The following AP1S3 variants were observed in gnomAD, a reference collection of about 807,000 sequenced individuals.
The protein encoded by AP1S3 is adaptor related protein complex 1 subunit sigma 3.
AP1S3 carries 10 observed loss-of-function variants against 20.9 expected under a neutral mutation model. The observed-to-expected ratio is 0.48, with a 90% CI of 0.29 to 0.81. AP1S3 has a LOEUF of 0.81. Ranked by LOEUF, AP1S3 falls within the 30% of genes least tolerant of loss-of-function variation. AP1S3 has a pLI of 0.08. For missense variants in AP1S3, 154 were observed against 183.8 expected (o/e 0.84, Z 0.94); for synonymous variants, 41 against 61.5 (o/e 0.67, Z 1.56).
intron 4 of AP1S3, among the ~76,000 whole-genome samples, chr2:223,763,874 C>G (rs1690417612): frequency 6.6e-6 from 1 of 152,200 alleles, no homozygotes; most frequent in African/African-American, 2.4e-5. Context: ...TAATCACCCT[C>G]TTCCAAATAG....
chr2:223,783,149 C>T (rs1690988782), intron 1 of AP1S3, among the ~76,000 whole-genome samples: 3 of 152,178 alleles, frequency 2.0e-5, no homozygotes, highest in Non-Finnish European at 4.4e-5. Context: ...CTAGCATTCC[C>T]TTTCAATAAT....
At chr2:223,773,045 A>G (rs1299562082) in intron 3 of AP1S3, among the ~76,000 whole-genome samples, 1 of 152,228 alleles carries the variant, frequency 6.6e-6, no homozygotes. Flanking sequence ...GTATACCAAA[A>G]TAGAATGGGA....
At chr2:223,784,150 C>T (rs1374135999) in intron 1 of AP1S3, among the ~76,000 whole-genome samples, 1 of 152,162 alleles carries the variant, frequency 6.6e-6, no homozygotes, top group African/African-American at 2.4e-5. Context: ...AAATTGGTGC[C>T]ACCGTTAAGG....
At chr2:223,815,052 G>A (rs764288724) in intron 1 of AP1S3, among the ~76,000 whole-genome samples, 7 of 152,194 alleles carry the variant, frequency 4.6e-5, no homozygotes, top group Non-Finnish European at 1.0e-4. Flanking sequence ...GGGATTATAG[G>A]CATGAGCCAG....
intron 1 of AP1S3, among the ~76,000 whole-genome samples, chr2:223,830,304 C>A (rs1692229251): frequency 6.6e-6 from 1 of 151,686 alleles, no homozygotes; most frequent in East Asian, 1.9e-4. Flanking sequence ...CATAGTGAAA[C>A]CCTATCTCTA....
At chr2:223,814,101 C>T (rs1238815160) in intron 1 of AP1S3, among the ~76,000 whole-genome samples, 1 of 152,206 alleles carries the variant, frequency 6.6e-6, no homozygotes, top group Non-Finnish European at 1.5e-5. Context: ...ATATTTATAA[C>T]CTTGTTTCCA....
intron 1 of AP1S3, among the ~76,000 whole-genome samples, chr2:223,806,277 A>AT (rs144953846): frequency 0.046 from 5,085 of 110,960 alleles, 180 homozygotes; most frequent in African/African-American, 0.1. Flanking sequence ...AAACAAAGGA[A>AT]TTTTTTTTTT....
intron 1 of AP1S3, among the ~76,000 whole-genome samples, chr2:223,800,444 G>A (rs1691441341): frequency 6.6e-6 from 1 of 151,752 alleles, no homozygotes; most frequent in Admixed American, 6.6e-5. Flanking sequence ...AGGTGGGAGG[G>A]TCACTTAAGC....
At chr2:223,805,435 T>C (rs1417697081) in intron 1 of AP1S3, among the ~76,000 whole-genome samples, 1 of 151,810 alleles carries the variant, frequency 6.6e-6, no homozygotes, top group Non-Finnish European at 1.5e-5. Flanking sequence ...GAAGCGAAAC[T>C]CCATCTCAAA....
intron 1 of AP1S3, among the ~76,000 whole-genome samples, chr2:223,825,506 G>C (rs1449413647): frequency 6.6e-6 from 1 of 152,036 alleles, no homozygotes; most frequent in Non-Finnish European, 1.5e-5. Flanking sequence ...CACCCTTCCA[G>C]GCTCAGCCCC....
intron 1 of AP1S3, among the ~76,000 whole-genome samples, chr2:223,837,063 A>G (rs1000740232): frequency 1.3e-5 from 2 of 152,010 alleles, no homozygotes; most frequent in African/African-American, 2.4e-5. Context: ...TTTTACTTGT[A>G]TATTGGACGT....
At chr2:223,770,387 T>C (rs1690590356) in intron 3 of AP1S3, 2 of 1,543,726 alleles carry the variant, frequency 1.3e-6, no homozygotes, top group Non-Finnish European at 1.7e-6. Flanking sequence ...TACCCCACTT[T>C]GACACGTCCC....
At chr2:223,822,897 AC>A (rs1692024725) in intron 1 of AP1S3, among the ~76,000 whole-genome samples, 1 of 151,856 alleles carries the variant, frequency 6.6e-6, no homozygotes. Context: ...TAGCAAAAAA[AC>A]AACCCAACTG....
chr2:223,803,835 G>A (rs1392832836), intron 1 of AP1S3, among the ~76,000 whole-genome samples: 4 of 149,890 alleles, frequency 2.7e-5, no homozygotes, highest in South Asian at 2.1e-4. Flanking sequence ...AGCCGAGATC[G>A]CGCCACTGCA....
chr2:223,816,492 C>T (rs1166722114), intron 1 of AP1S3, among the ~76,000 whole-genome samples: 3 of 152,180 alleles, frequency 2.0e-5, no homozygotes, highest in South Asian at 2.1e-4. Flanking sequence ...TTAACAATCA[C>T]GAGAACCAAC....
intron 1 of AP1S3, among the ~76,000 whole-genome samples, chr2:223,786,961 G>A (rs145412706): frequency 3.3e-5 from 5 of 152,182 alleles, no homozygotes; most frequent in Non-Finnish European, 7.4e-5. Flanking sequence ...CACTAAACTC[G>A]TGTCAAATTG....
chr2:223,788,779 A>AAAGAAG (rs1237362307), intron 1 of AP1S3, among the ~76,000 whole-genome samples: 19 of 146,428 alleles, frequency 1.3e-4, no homozygotes, highest in African/African-American at 4.3e-4. Flanking sequence ...AAAAAAAAAA[A>AAAGAAG]AAGAAGAAGA....
chr2:223,806,452 T>G (rs1261879386), intron 1 of AP1S3, among the ~76,000 whole-genome samples: 1 of 151,732 alleles, frequency 6.6e-6, no homozygotes. Context: ...CCCGGCTAAT[T>G]TTTTCATATT....
chr2:223,809,565 A>T (rs1574718512), intron 1 of AP1S3, among the ~76,000 whole-genome samples: 1 of 151,000 alleles, frequency 6.6e-6, no homozygotes, highest in Admixed American at 6.6e-5. Flanking sequence ...AATTGCTTGA[A>T]CCCGGGAAGT....
Sources: allele counts gnomAD v4.1 joint callset (sites outside exome capture counted in the v4.1 genomes callset), GRCh38; gene constraint gnomAD v4.1.1; transcripts MANE v1.5; gene names NCBI Gene and HGNC (gene_info 2026-07-23, HGNC 2026-07-21).